CLVS1: variants seen among roughly 807,000 people sequenced by gnomAD.
The protein encoded by CLVS1 is clavesin-1.
In CLVS1, 10 loss-of-function variants were observed where a neutral mutation model predicts 33.1. That is an observed-to-expected ratio of 0.30 (90% CI 0.19 to 0.51). CLVS1 has a LOEUF of 0.51. Among genes scored for constraint, CLVS1 ranks in the 20% least tolerant of loss-of-function variants. The pLI, the probability that CLVS1 is intolerant of heterozygous loss-of-function variation, is 0.97. For synonymous variants in CLVS1, 163 were observed against 166.1 expected, an observed-to-expected ratio of 0.98 and a Z score of 0.14; for missense variants, 343 against 433.4, an observed-to-expected ratio of 0.79 and a Z score of 1.85.
chr8:61,481,114 G>A (rs558186032), intron 5 of CLVS1, among the ~76,000 whole-genome samples: 1 of 152,136 alleles, frequency 6.6e-6, no homozygotes, highest in African/African-American at 2.4e-5. Context: ...TTGTTGACCT[G>A]TGAGGGCTGA....
chr8:61,094,122 A>G (rs1246280551), intron 1 of CLVS1, among the ~76,000 whole-genome samples: 1 of 152,132 alleles, frequency 6.6e-6, no homozygotes, highest in Non-Finnish European at 1.5e-5. Flanking sequence ...CCCAAGTTTG[A>G]TTCAAGTTTT....
the CLVS1 span, among the ~76,000 whole-genome samples, chr8:61,032,932 A>G: frequency 1.7e-4 from 25 of 149,334 alleles, no homozygotes; most frequent in African/African-American, 6.0e-4. Flanking sequence ...ACCAGCTTGG[A>G]CAACATAGTG....
intron 5 of CLVS1, among the ~76,000 whole-genome samples, chr8:61,471,346 A>G (rs1214517546): frequency 2.0e-5 from 3 of 152,222 alleles, no homozygotes; most frequent in African/African-American, 7.2e-5. Context: ...AGCGTTGTGT[A>G]GAAGGCTTGC....
chr8:60,979,028 G>A, the CLVS1 span, among the ~76,000 whole-genome samples: 1 of 152,094 alleles, frequency 6.6e-6, no homozygotes, highest in African/African-American at 2.4e-5. Flanking sequence ...GAAAAATTTA[G>A]CTGTGAGGTA....
At chr8:61,033,840 A>G in the CLVS1 span, among the ~76,000 whole-genome samples, 3 of 152,240 alleles carry the variant, frequency 2.0e-5, no homozygotes. Flanking sequence ...GTCTTAGAAC[A>G]TATGACATTT....
intron 3 of CLVS1, among the ~76,000 whole-genome samples, chr8:61,394,362 G>T (rs1399541189): frequency 6.6e-6 from 1 of 152,096 alleles, no homozygotes; most frequent in South Asian, 2.1e-4. Context: ...AAGTATTCAG[G>T]TTCCTTAGGT....
chr8:61,361,478 C>A (rs1422361842), intron 2 of CLVS1, among the ~76,000 whole-genome samples: 1 of 152,168 alleles, frequency 6.6e-6, no homozygotes, highest in South Asian at 2.1e-4. Flanking sequence ...ATTCTCCAAG[C>A]CTTTTAGAGA....
chr8:61,048,574 A>G, the CLVS1 span, among the ~76,000 whole-genome samples: 1 of 152,306 alleles, frequency 6.6e-6, no homozygotes, highest in South Asian at 2.1e-4. Flanking sequence ...TGATGGGAGC[A>G]GCTTTGCCCA....
At chr8:61,121,842 C>T (rs1205480330) in intron 1 of CLVS1, among the ~76,000 whole-genome samples, 5 of 152,056 alleles carry the variant, frequency 3.3e-5, no homozygotes, top group East Asian at 3.8e-4. Flanking sequence ...TAGAAATTCT[C>T]GAAAGAGTCC....
the CLVS1 span, among the ~76,000 whole-genome samples, chr8:61,035,899 T>C: frequency 6.6e-6 from 1 of 152,234 alleles, no homozygotes; most frequent in African/African-American, 2.4e-5. Flanking sequence ...TTTATCTGAA[T>C]AAATTTCAAA....
intron 2 of CLVS1, among the ~76,000 whole-genome samples, chr8:61,227,561 G>T (rs941192466): frequency 6.6e-6 from 1 of 152,108 alleles, no homozygotes; most frequent in African/African-American, 2.4e-5. Flanking sequence ...TATAATTCTT[G>T]TTTTAAATCT....
the CLVS1 span, among the ~76,000 whole-genome samples, chr8:60,973,766 T>C: frequency 1.3e-5 from 2 of 152,170 alleles, no homozygotes; most frequent in Non-Finnish European, 2.9e-5. Context: ...CTCATAATGC[T>C]CATGCTCGAG....
At chr8:61,020,121 G>A in the CLVS1 span, among the ~76,000 whole-genome samples, 1 of 152,208 alleles carries the variant, frequency 6.6e-6, no homozygotes, top group African/African-American at 2.4e-5. Context: ...ACCATAAATG[G>A]TGGCTGCCTT....
chr8:61,063,132 CGTAA>C (rs1034773507), intron 1 of CLVS1, among the ~76,000 whole-genome samples: 19 of 152,044 alleles, frequency 1.2e-4, no homozygotes, highest in East Asian at 3.8e-4. Context: ...AACCATGCTA[CGTAA>C]GTAAGACAAA....
chr8:61,396,077 T>C (rs1420848018), intron 3 of CLVS1, among the ~76,000 whole-genome samples: 2 of 152,194 alleles, frequency 1.3e-5, no homozygotes, highest in African/African-American at 2.4e-5. Flanking sequence ...ATGTACATAA[T>C]TGGTGATCTT....
At chr8:61,052,395 G>C (rs1804400006), upstream of CLVS1, among the ~76,000 whole-genome samples, 1 of 152,214 alleles carries the variant, frequency 6.6e-6, no homozygotes, top group South Asian at 2.1e-4. Flanking sequence ...AGGGCGACAG[G>C]AATCCCCAGA....
chr8:61,215,859 C>A (rs17184775), intron 2 of CLVS1, among the ~76,000 whole-genome samples: 1 of 152,116 alleles, frequency 6.6e-6, no homozygotes, highest in Non-Finnish European at 1.5e-5. Flanking sequence ...AGGAAGCTGA[C>A]CTTGGGTAAA....
chr8:61,447,873 T>C (rs1383535729), intron 3 of CLVS1, among the ~76,000 whole-genome samples: 1 of 152,114 alleles, frequency 6.6e-6, no homozygotes, highest in Non-Finnish European at 1.5e-5. Flanking sequence ...TTCCTTTCTG[T>C]TTGTGGAAAG....
chr8:61,317,797 A>G (rs545356340), intron 2 of CLVS1, among the ~76,000 whole-genome samples: 7 of 152,342 alleles, frequency 4.6e-5, no homozygotes, highest in Admixed American at 4.6e-4. Flanking sequence ...AAAATGCTTC[A>G]GCTTGACTCT....
Sources: allele counts gnomAD v4.1 joint callset (sites outside exome capture counted in the v4.1 genomes callset), GRCh38; gene constraint gnomAD v4.1.1; transcripts MANE v1.5; gene names NCBI Gene and HGNC (gene_info 2026-07-23, HGNC 2026-07-21).